The following SH3GL3 variants were observed in gnomAD, a reference collection of about 807,000 sequenced individuals.
SH3GL3 encodes SH3 domain containing GRB2 like 3, endophilin A3.
SH3GL3 carries 33 observed loss-of-function variants against 47.7 expected under a neutral mutation model. The observed-to-expected ratio is 0.69, with a 90% CI of 0.52 to 0.92. SH3GL3 has a LOEUF of 0.92. SH3GL3 is among the 40% of genes least tolerant of loss of function. The pLI is 0.00. For synonymous variants in SH3GL3, 155 were observed against 148.8 expected, an observed-to-expected ratio of 1.04 and a Z score of -0.30; for missense variants, 363 against 417.8, an observed-to-expected ratio of 0.87 and a Z score of 1.14.
At chr15:83,490,951 A>G in intron 1 of SH3GL3, 5 of 1,612,922 alleles carry the variant, frequency 3.1e-6, no homozygotes, top group Non-Finnish European at 4.2e-6. Context: ...AAGAACAGTA[A>G]ACTTGGAAAA....
intron 8 of SH3GL3, among the ~76,000 whole-genome samples, chr15:83,595,397 C>T (rs1037029396): frequency 1.3e-5 from 2 of 152,024 alleles, no homozygotes; most frequent in Non-Finnish European, 2.9e-5. Context: ...ACTACCTACC[C>T]TGTACTATGC....
intron 1 of SH3GL3, among the ~76,000 whole-genome samples, chr15:83,466,312 G>C (rs1225734533): frequency 3.3e-5 from 5 of 152,048 alleles, no homozygotes; most frequent in Admixed American, 3.3e-4. Context: ...CCAGTTTGGG[G>C]TTATTATGAA....
chr15:83,447,479 C>T lies in SH3GL3; in HGVS notation c.-55C>T, dbSNP rs748758554. 733 of 1,430,086 alleles carry T rather than the reference C, an allele frequency of 5.1e-4. No individual in the cohort carries two copies. The highest frequency in any genetic ancestry group is 2.9e-3 in the Middle Eastern group (15 of 5,256). 88.6% of individuals were successfully genotyped at this position (1,430,086 alleles called of 1,614,324 possible). A position where few individuals can be genotyped will look rare whatever the true frequency, so the allele number is the denominator to read the frequency against. ...CTCCCGCTCCCCGAGCGCGTCGCGG[C>T]CGCGTGGCCCAGCCGAGCCTTGAGA... On this transcript the variant is annotated 5_prime_UTR_variant, in exon 1 of 9. Coordinates refer to ENST00000427482, the MANE Select transcript of SH3GL3 (RefSeq NM_003027.5). This position sits in a 1 kb window ranked among gnomAD's most constrained non-coding sequence, Gnocchi z 5.1.
chr15:83,574,682 C>T (rs866033276), intron 5 of SH3GL3, among the ~76,000 whole-genome samples: 3 of 152,308 alleles, frequency 2.0e-5, no homozygotes, highest in Middle Eastern at 3.4e-3. Context: ...CCTTCACAGC[C>T]TGGCCCCTCC....
chr15:83,523,202 C>A (rs924264203), intron 1 of SH3GL3, among the ~76,000 whole-genome samples: 12 of 152,148 alleles, frequency 7.9e-5, no homozygotes, highest in African/African-American at 2.9e-4. Context: ...TCAAAATAGA[C>A]CAACAGTATA....
At chr15:83,597,126 G>A (rs145437940) in intron 8 of SH3GL3, among the ~76,000 whole-genome samples, 1 of 152,280 alleles carries the variant, frequency 6.6e-6, no homozygotes, top group East Asian at 1.9e-4. Flanking sequence ...AAATCAAGGT[G>A]TTCACATTCC....
At chr15:83,559,424 T>A in intron 2 of SH3GL3, 103 bp downstream of exon 2, 1 of 731,606 alleles carries the variant, frequency 1.4e-6, no homozygotes, top group Non-Finnish European at 2.5e-6. Flanking sequence ...CTAGGATGTT[T>A]AAATATAGGT....
At position 83,484,844 on chromosome 15, in the gene SH3GL3, A is replaced by G. The variant is rs557102688; in HGVS notation, c.45+37266A>G. 5.3e-5 allele frequency among the ~76,000 whole-genome samples: 8 copies of G among 152,270 alleles called. No individual in the cohort carries two copies. In the South Asian group the frequency reaches 1.7e-3, roughly 32 times the overall value. On this transcript the variant is annotated intron_variant, in intron 1 of 8. Coordinates refer to ENST00000427482, the MANE Select transcript of SH3GL3 (RefSeq NM_003027.5). ...ACGTTCTTCAAGAAGCATACACCATATGTTTTCTGAGACTTTGCATATTTA... is the reference window on the plus strand; with the variant it reads ...ACGTTCTTCAAGAAGCATACACCATGTGTTTTCTGAGACTTTGCATATTTA...
chr15:83,465,962 G>T (rs2151518993), intron 1 of SH3GL3, among the ~76,000 whole-genome samples: 1 of 152,240 alleles, frequency 6.6e-6, no homozygotes, highest in South Asian at 2.1e-4. Context: ...TGTTGATACA[G>T]TCAGGATATA....
intron 1 of SH3GL3, among the ~76,000 whole-genome samples, chr15:83,516,930 T>C (rs1324459738): frequency 6.6e-6 from 1 of 152,140 alleles, no homozygotes; most frequent in Admixed American, 6.6e-5. Context: ...GATACATCCA[T>C]GTTGTTCTGT....
intron 1 of SH3GL3, among the ~76,000 whole-genome samples, chr15:83,465,131 G>A (rs912887254): frequency 2.6e-5 from 4 of 151,586 alleles, no homozygotes; most frequent in African/African-American, 7.3e-5. Flanking sequence ...CCAACGTGGT[G>A]AAACCCCGTC....
chr15:83,604,667 A>G (rs1306318452), intron 8 of SH3GL3, among the ~76,000 whole-genome samples: 1 of 152,184 alleles, frequency 6.6e-6, no homozygotes, highest in Non-Finnish European at 1.5e-5. Context: ...GCTACTTACT[A>G]TGGGTTAGAT....
intron 1 of SH3GL3, among the ~76,000 whole-genome samples, chr15:83,493,308 TG>T (rs1237063977): frequency 1.3e-5 from 2 of 152,186 alleles, no homozygotes; most frequent in Non-Finnish European, 2.9e-5. Flanking sequence ...CTGTTGAAGC[TG>T]GGTGATGGGG....
chr15:83,512,386 C>G (rs1225716565), intron 1 of SH3GL3, among the ~76,000 whole-genome samples: 1 of 152,168 alleles, frequency 6.6e-6, no homozygotes, highest in Admixed American at 6.5e-5. Context: ...GCTGCAAGGT[C>G]TGGGTAGTTT....
Position 83,568,615 on chromosome 15 carries a change from T to G in SH3GL3, c.274T>G (p.Leu92Val). The change falls in exon 4 of 9, where the codon TTG becomes GTG. Residue 92 changes from leucine to valine, a missense_variant. Transcript: ENST00000427482. ...KTTGYPQTEG[L>V]LGDCMLKYGK... ...CACAGGATACCCGCAGACGGAAGGC[T>G]TGCTGGGGGACTGTATGCTGAAATA... 1.9e-6 allele frequency: 3 copies of G among 1,613,746 alleles called. No individual in the cohort carries two copies. The highest frequency in any genetic ancestry group is 1.7e-6 in the Non-Finnish European group (2 of 1,179,654).
chr15:83,545,204 C>T (rs1602538), intron 1 of SH3GL3, among the ~76,000 whole-genome samples: 88,222 of 151,908 alleles, frequency 0.58, 26,801 homozygotes, highest in African/African-American at 0.71. Flanking sequence ...TAGGTTTGCT[C>T]TATTCTTTAT....
chr15:83,505,523 CTT>C lies in SH3GL3; in HGVS notation c.46-53711_46-53710del, dbSNP rs35112953. Among the ~76,000 whole-genome samples, 221 of 92,022 alleles carry C rather than the reference CTT, an allele frequency of 2.4e-3. 1 individual carries two copies. The highest frequency in any genetic ancestry group is 0.017 in the Middle Eastern group (3 of 178). The allele number at this position is 92,022 out of a possible 152,430, so 60.4% of individuals were successfully genotyped here. A position where few individuals can be genotyped will look rare whatever the true frequency, so the allele number is the denominator to read the frequency against. On this transcript the variant is annotated intron_variant, in intron 1 of 8. Transcript: ENST00000427482. Reference sequence around the variant, plus strand: ...TTTATTGATTGACTACTTGAATTTCCTTTTTTTTTTTTTTTTTTTTGAGAGAT... The same window carrying C: ...TTTATTGATTGACTACTTGAATTTCCTTTTTTTTTTTTTTTTTTGAGAGAT...
At chr15:83,468,695 G>T (rs932113021) in intron 1 of SH3GL3, among the ~76,000 whole-genome samples, 3 of 151,958 alleles carry the variant, frequency 2.0e-5, no homozygotes, top group African/African-American at 7.3e-5. Flanking sequence ...AACCCACTTG[G>T]TCATGATGTA....
At position 83,447,539 on chromosome 15, in the gene SH3GL3, G is replaced by C. The variant is rs1421659843; in HGVS notation, c.6G>C (p.Ser2=). Residue 2 remains serine (S), a synonymous_variant, in exon 1 of 9, where the codon TCG becomes TCC. Transcript: ENST00000427482. This position sits in a 1 kb window ranked among gnomAD's most constrained non-coding sequence, Gnocchi z 5.1. ...CCCTGCCGGTCGCAGTCGCGATGTC[G>C]GTGGCCGGGCTGAAGAAGCAGTTCC... M[S]VAGLKKQFHK... 3 of 1,504,524 alleles carry C rather than the reference G, an allele frequency of 2.0e-6. No individual in the cohort carries two copies. The highest frequency in any genetic ancestry group is 2.7e-6 in the Non-Finnish European group (3 of 1,124,660). The allele number at this position is 1,504,524 out of a possible 1,614,324, so 93.2% of individuals were successfully genotyped here.
Sources: gnomAD v4.1 joint callset for allele counts (sites outside exome capture counted in the v4.1 genomes callset) on GRCh38, gnomAD v4.1.1 for gene constraint, Gnocchi (gnomAD v3.1) non-coding constraint, MANE v1.5 for transcripts, NCBI Gene and HGNC (gene_info 2026-07-23, HGNC 2026-07-21) for gene names.